HECW1: variants seen among roughly 807,000 people sequenced by gnomAD.
HECW1 encodes the protein E3 ubiquitin-protein ligase HECW1.
In HECW1, 61 loss-of-function variants were observed where a neutral mutation model predicts 182.3. The ratio of observed to expected loss-of-function variants is 0.33; its 90% CI spans 0.27 to 0.41. The LOEUF (loss-of-function observed/expected upper bound fraction) is 0.41, where lower values mean the gene tolerates loss of function less well. Ranked by LOEUF, HECW1 falls within the 10% of genes least tolerant of loss-of-function variation. HECW1 has a pLI of 1.00. For synonymous variants in HECW1, 859 were observed against 832.6 expected, an observed-to-expected ratio of 1.03 and a Z score of -0.55; for missense variants, 1,739 against 2,108.9, an observed-to-expected ratio of 0.82 and a Z score of 3.44.
chr7:43,488,154 A>G (rs2078721400), intron 17 of HECW1, among the ~76,000 whole-genome samples: 1 of 151,910 alleles, frequency 6.6e-6, no homozygotes, highest in Non-Finnish European at 1.5e-5. Flanking sequence ...TACTAAAAAT[A>G]GAAAAATTAA....
chr7:43,465,384 C>T (rs1284813931), intron 14 of HECW1, among the ~76,000 whole-genome samples: 2 of 152,174 alleles, frequency 1.3e-5, no homozygotes, highest in Non-Finnish European at 2.9e-5. Flanking sequence ...GCGGAGTCGG[C>T]CACAGGCTGA....
At chr7:43,174,055 G>A (rs1791970969) in intron 2 of HECW1, among the ~76,000 whole-genome samples, 1 of 152,058 alleles carries the variant, frequency 6.6e-6, no homozygotes, top group Non-Finnish European at 1.5e-5. Flanking sequence ...TGGCCAGGCT[G>A]ATCTTGAACT....
chr7:43,503,014 C>T (rs1448615959), intron 21 of HECW1, among the ~76,000 whole-genome samples: 1 of 152,184 alleles, frequency 6.6e-6, no homozygotes, highest in Non-Finnish European at 1.5e-5. Flanking sequence ...ACTAGAGTAT[C>T]TTTTAGTCTG....
At chr7:43,197,740 C>A (rs1794602514) in intron 2 of HECW1, among the ~76,000 whole-genome samples, 1 of 152,092 alleles carries the variant, frequency 6.6e-6, no homozygotes, top group Non-Finnish European at 1.5e-5. Context: ...CTCTGACGAA[C>A]ACAGACCGCT....
chr7:43,440,796 A>AT (rs1291780166), intron 9 of HECW1, among the ~76,000 whole-genome samples: 2 of 152,032 alleles, frequency 1.3e-5, no homozygotes, highest in African/African-American at 2.4e-5. Flanking sequence ...AGCTCATCCT[A>AT]TTTTTTTCTG....
chr7:43,232,421 T>C (rs1386127814), intron 2 of HECW1, among the ~76,000 whole-genome samples: 1 of 152,200 alleles, frequency 6.6e-6, no homozygotes, highest in Non-Finnish European at 1.5e-5. Context: ...TGCAACTGCA[T>C]TAGCTTGCTT....
At chr7:43,150,121 G>A (rs1469321802) in intron 2 of HECW1, among the ~76,000 whole-genome samples, 3 of 152,160 alleles carry the variant, frequency 2.0e-5, no homozygotes, top group Non-Finnish European at 2.9e-5. Context: ...ATTGTTTTAA[G>A]TGTCTTACTT....
At chr7:43,342,595 A>G (rs1562862022) in intron 5 of HECW1, among the ~76,000 whole-genome samples, 1 of 151,638 alleles carries the variant, frequency 6.6e-6, no homozygotes, top group Non-Finnish European at 1.5e-5. Context: ...CTTCTAGATA[A>G]CTCTTGAGGC....
At chr7:43,415,237 C>A (rs1404459844) in intron 8 of HECW1, among the ~76,000 whole-genome samples, 1 of 149,590 alleles carries the variant, frequency 6.7e-6, no homozygotes, top group African/African-American at 2.5e-5. Context: ...GTGACAAAAT[C>A]TCTCAGCATT....
At chr7:43,362,585 G>C (rs1816103019) in intron 6 of HECW1, among the ~76,000 whole-genome samples, 2 of 152,208 alleles carry the variant, frequency 1.3e-5, no homozygotes, top group Non-Finnish European at 2.9e-5. Context: ...CCTCAAAAGA[G>C]GGTACCCCTT....
At chr7:43,331,677 T>C (rs571515057) in intron 5 of HECW1, among the ~76,000 whole-genome samples, 32 of 152,204 alleles carry the variant, frequency 2.1e-4, no homozygotes, top group African/African-American at 7.7e-4. Flanking sequence ...TCTCATTAAC[T>C]TAGTGCTTAC....
chr7:43,192,711 A>G (rs1162192460), intron 2 of HECW1, among the ~76,000 whole-genome samples: 1 of 152,182 alleles, frequency 6.6e-6, no homozygotes, highest in Admixed American at 6.5e-5. Flanking sequence ...ATTTTGGTAT[A>G]CTTTATTTTT....
chr7:43,315,423 A>G (rs184159632), intron 4 of HECW1, among the ~76,000 whole-genome samples: 1 of 151,878 alleles, frequency 6.6e-6, no homozygotes, highest in African/African-American at 2.4e-5. Context: ...GTAGTAAGAA[A>G]GACAAGTAGA....
chr7:43,254,242 A>C (rs138454177), intron 3 of HECW1, among the ~76,000 whole-genome samples: 186 of 152,210 alleles, frequency 1.2e-3, no homozygotes, highest in Admixed American at 5.0e-3. Flanking sequence ...GAGACCAAAC[A>C]CAGAAGATCT....
At position 43,394,910 on chromosome 7, in the gene HECW1, A is replaced by G. The variant is rs1233871123; in HGVS notation, c.556-1904A>G. 3.3e-5 allele frequency among the ~76,000 whole-genome samples: 5 copies of G among 152,088 alleles called. No homozygotes were observed. The East Asian group carries it at 9.7e-4, about 29-fold the overall frequency. ...ATAACTTGGTGGGGCAGGGTGGAGT[A>G]GTGGGTTGGAGGGGGTGGAAGCTAG... is the stretch of plus-strand genomic sequence containing the variant. On this transcript the variant is annotated intron_variant, in intron 6 of 29. Coordinates refer to ENST00000395891, the MANE Select transcript of HECW1 (RefSeq NM_015052.5).
chr7:43,363,688 G>A (rs1338754440), intron 6 of HECW1, among the ~76,000 whole-genome samples: 3 of 152,158 alleles, frequency 2.0e-5, no homozygotes, highest in Non-Finnish European at 4.4e-5. Context: ...GTATTTTCAC[G>A]GGCAATTAGG....
At chr7:43,425,297 A>G in intron 8 of HECW1, among the ~76,000 whole-genome samples, 1 of 121,584 alleles carries the variant, frequency 8.2e-6, no homozygotes, top group East Asian at 2.5e-4. Context: ...GTAGATAGAT[A>G]GATAGATGAT....
intron 3 of HECW1, among the ~76,000 whole-genome samples, chr7:43,260,314 C>T (rs1264901869): frequency 1.3e-5 from 2 of 152,020 alleles, no homozygotes; most frequent in African/African-American, 4.8e-5. Context: ...TAAGTAGGCA[C>T]TGAGAAGGGA....
chr7:43,257,555 A>G (rs1800706597), intron 3 of HECW1, among the ~76,000 whole-genome samples: 3 of 152,088 alleles, frequency 2.0e-5, no homozygotes, highest in Admixed American at 1.3e-4. Flanking sequence ...TCCAGTGGAG[A>G]GGAGGTGAAA....
Sources: gnomAD v4.1 joint callset for allele counts (sites outside exome capture counted in the v4.1 genomes callset) on GRCh38, gnomAD v4.1.1 for gene constraint, MANE v1.5 for transcripts, NCBI Gene and HGNC (gene_info 2026-07-23, HGNC 2026-07-21) for gene names.